PKP4: variants seen among roughly 807,000 people sequenced by gnomAD.
The protein encoded by PKP4 is plakophilin-4.
A neutral mutation model predicts 145.1 loss-of-function variants in PKP4; 90 were observed. That is an observed-to-expected ratio of 0.62 (90% confidence interval 0.52 to 0.74). The LOEUF (loss-of-function observed/expected upper bound fraction) is 0.74. PKP4 is among the 30% of genes least tolerant of loss of function. The pLI is 0.00. For synonymous variants in PKP4, 563 were observed against 577.2 expected, an observed-to-expected ratio of 0.98 and a Z score of 0.35; for missense variants, 1,340 against 1,482.7, an observed-to-expected ratio of 0.90 and a Z score of 1.58.
At chr2:158,573,337 GGTA>G (rs752231167) in intron 2 of PKP4, among the ~76,000 whole-genome samples, 19 of 152,110 alleles carry the variant, frequency 1.2e-4, no homozygotes, top group Non-Finnish European at 2.4e-4. Flanking sequence ...TCTCTAAATA[GGTA>G]GTAGTAATAT....
intron 4 of PKP4, among the ~76,000 whole-genome samples, chr2:158,607,203 A>G (rs2050728723): frequency 6.6e-6 from 1 of 152,312 alleles, no homozygotes; most frequent in African/African-American, 2.4e-5. Flanking sequence ...ATATTGCCAC[A>G]TTAGTGTCAT....
At chr2:158,562,252 A>G (rs1484217965) in intron 2 of PKP4, among the ~76,000 whole-genome samples, 1 of 152,210 alleles carries the variant, frequency 6.6e-6, no homozygotes, top group South Asian at 2.1e-4. Context: ...AGTTGTTTCT[A>G]TTGGCAGTCC....
chr2:158,528,341 C>T (rs2043151132), intron 1 of PKP4, among the ~76,000 whole-genome samples: 1 of 136,358 alleles, frequency 7.3e-6, no homozygotes, highest in South Asian at 2.7e-4. Flanking sequence ...TTTGTAGGGA[C>T]ATGGATGAAA....
At chr2:158,551,181 T>C (rs934526624) in intron 2 of PKP4, among the ~76,000 whole-genome samples, 1 of 152,232 alleles carries the variant, frequency 6.6e-6, no homozygotes, top group Non-Finnish European at 1.5e-5. Context: ...GGTCTTTGGG[T>C]CAACTTTATA....
chr2:158,472,419 C>T (rs1423812608), intron 1 of PKP4, among the ~76,000 whole-genome samples: 19 of 151,892 alleles, frequency 1.3e-4, no homozygotes, highest in Admixed American at 1.2e-3. Context: ...ACCATCCTGG[C>T]TAACACGGTG....
chr2:158,559,891 G>C (rs575429907), intron 2 of PKP4, among the ~76,000 whole-genome samples: 3 of 151,630 alleles, frequency 2.0e-5, no homozygotes, highest in Admixed American at 6.6e-5. Flanking sequence ...TTTTGAGGCA[G>C]AGTCTCACTC....
At chr2:158,579,897 ATAAT>A (rs1215740186) in intron 3 of PKP4, among the ~76,000 whole-genome samples, 4 of 152,116 alleles carry the variant, frequency 2.6e-5, no homozygotes, top group African/African-American at 4.8e-5. Context: ...ATACTGCATA[ATAAT>A]TAAATAGTAC....
chr2:158,677,868 C>T lies in PKP4; in HGVS notation c.3257-713C>T, dbSNP rs553178724. ...AGATCACCTCTTTAGCATGCATGCC[C>T]TTCTGTATCTTCTTCGCTTGCTTCA... On this transcript the variant is annotated intron_variant, in intron 20 of 21. Transcript: ENST00000389759. 6.6e-5 allele frequency among the ~76,000 whole-genome samples: 10 copies of T among 152,258 alleles called. 1 individual carries two copies. Among genetic ancestry groups the T allele is most frequent in the Middle Eastern group, 3.4e-3 (1 of 294 alleles).
chr2:158,632,146 C>G (rs997902611), intron 8 of PKP4, among the ~76,000 whole-genome samples: 9 of 152,132 alleles, frequency 5.9e-5, no homozygotes, highest in Non-Finnish European at 1.3e-4. Flanking sequence ...TTAGTACATT[C>G]TAATCAATGA....
intron 1 of PKP4, among the ~76,000 whole-genome samples, chr2:158,459,813 G>GACAC (rs771328129): frequency 1.4e-5 from 2 of 141,126 alleles, no homozygotes; most frequent in African/African-American, 5.2e-5. Context: ...ACACACACAC[G>GACAC]ACACACACAC....
At chr2:158,526,343 T>A (rs2042939735) in intron 1 of PKP4, among the ~76,000 whole-genome samples, 1 of 125,900 alleles carries the variant, frequency 7.9e-6, no homozygotes, top group Non-Finnish European at 1.7e-5. Context: ...CGCAAATCAA[T>A]AAATGTAATC....
rs138416820 is a variant in PKP4, at chr2:158,569,658, T to G, written c.133-7613T>G. Among the ~76,000 whole-genome samples, 10 of 152,326 alleles carry G rather than the reference T, an allele frequency of 6.6e-5. 1 individual carries two copies. The East Asian group carries it at 1.9e-3, about 29-fold the overall frequency. On this transcript the variant is annotated intron_variant, in intron 2 of 21. Coordinates refer to ENST00000389759, the MANE Select transcript of PKP4 (RefSeq NM_003628.6). ...TCCCTAAATACAACAAATAAACTTT[T>G]TTTTCAGTGTTGCCTAAGTTGTGTT...
At chr2:158,498,959 G>A (rs1366669460) in intron 1 of PKP4, among the ~76,000 whole-genome samples, 3 of 152,012 alleles carry the variant, frequency 2.0e-5, no homozygotes, top group African/African-American at 7.2e-5. Context: ...CAGAACTCCT[G>A]TGCTCACCTA....
At chr2:158,544,844 G>A (rs1451352915) in intron 2 of PKP4, among the ~76,000 whole-genome samples, 1 of 152,140 alleles carries the variant, frequency 6.6e-6, no homozygotes, top group Non-Finnish European at 1.5e-5. Flanking sequence ...TTTAACTGCA[G>A]GTGGAAACAG....
intron 1 of PKP4, among the ~76,000 whole-genome samples, chr2:158,518,484 A>C (rs993172861): frequency 1.2e-4 from 19 of 152,174 alleles, no homozygotes; most frequent in African/African-American, 4.6e-4. Context: ...TACTGTCTAC[A>C]TATTTCTTCC....
intron 2 of PKP4, among the ~76,000 whole-genome samples, chr2:158,537,855 C>T (rs1022696204): frequency 1.3e-5 from 2 of 151,976 alleles, no homozygotes; most frequent in Non-Finnish European, 2.9e-5. Flanking sequence ...TGACAAAAAC[C>T]CTGTCTCTAC....
chr2:158,576,808 A>C (rs1178142254), intron 2 of PKP4, among the ~76,000 whole-genome samples: 2 of 76,650 alleles, frequency 2.6e-5, no homozygotes, highest in African/African-American at 6.6e-5. Context: ...TTTTTTTCTT[A>C]ATTAAAAGAC....
chr2:158,520,138 T>C (rs993115790), intron 1 of PKP4, among the ~76,000 whole-genome samples: 4 of 152,224 alleles, frequency 2.6e-5, no homozygotes, highest in Non-Finnish European at 2.9e-5. Flanking sequence ...TCATTAACCA[T>C]TTTGCAGTGC....
At chr2:158,647,355 C>T (rs1464162385) in intron 11 of PKP4, among the ~76,000 whole-genome samples, 1 of 152,090 alleles carries the variant, frequency 6.6e-6, no homozygotes. Context: ...ACTACTATGC[C>T]CTTGAAACTA....
Sources: allele counts gnomAD v4.1 joint callset (sites outside exome capture counted in the v4.1 genomes callset), GRCh38; gene constraint gnomAD v4.1.1; transcripts MANE v1.5; gene names NCBI Gene and HGNC (gene_info 2026-07-23, HGNC 2026-07-21).